MEIS1: variants seen among roughly 807,000 people sequenced by gnomAD.
MEIS1 encodes the protein homeobox protein Meis1.
A neutral mutation model predicts 50.8 loss-of-function variants in MEIS1; 5 were observed. The ratio of observed to expected loss-of-function variants is 0.10; its 90% CI spans 0.05 to 0.21. MEIS1 has a LOEUF of 0.21. Ranked by LOEUF, MEIS1 falls within the 10% of genes least tolerant of loss-of-function variation. The probability of loss-of-function intolerance (pLI) is 1.00; values close to 1 mark genes in which losing one functional copy is unlikely to be tolerated. For synonymous variants in MEIS1, 176 were observed against 179.3 expected (o/e 0.98, Z 0.15); for missense variants, 318 against 517.3 (o/e 0.61, Z 3.74).
intron 7 of MEIS1, among the ~76,000 whole-genome samples, chr2:66,472,279 T>C (rs1053812351): frequency 2.6e-5 from 4 of 152,178 alleles, no homozygotes; most frequent in Non-Finnish European, 4.4e-5. Context: ...GTGAGGAAGT[T>C]AATTTTAGGG....
intron 12 of MEIS1, 129 bp from the exon 13 acceptor site, chr2:66,571,117 A>G: frequency 1.1e-6 from 1 of 897,854 alleles, no homozygotes; most frequent in Non-Finnish European, 1.6e-6. Context: ...AATCAAAAGA[A>G]TGCTTTACAA....
chr2:66,567,436 C>T lies in MEIS1; in HGVS notation c.966-17C>T, dbSNP rs1274634106. On this transcript the variant is annotated splice_polypyrimidine_tract_variant and intron_variant, in intron 9 of 12. Transcript: ENST00000272369. The stretch of plus-strand genomic sequence containing the variant: ...ATTTTTAAGGAATAACGATTTGTTT[C>T]ACTTTCTTGGTTACAGGTTTATTAA... The T allele has an allele frequency of 6.2e-7, 1 of 1,612,474 alleles. No homozygotes were observed. The highest frequency in any genetic ancestry group is 8.5e-7 in the Non-Finnish European group (1 of 1,179,070).
At chr2:66,558,086 C>T (rs542052333) in intron 9 of MEIS1, among the ~76,000 whole-genome samples, 1 of 151,990 alleles carries the variant, frequency 6.6e-6, no homozygotes, top group South Asian at 2.1e-4. Context: ...TCAAGACCAG[C>T]CTGATGAACA....
At chr2:66,438,045 G>C (rs1671845398) in intron 2 of MEIS1, 82 bp downstream of exon 2, 5 of 1,228,414 alleles carry the variant, frequency 4.1e-6, no homozygotes, top group Non-Finnish European at 5.6e-6. Flanking sequence ...AGGAAAGTCA[G>C]AGTTCTCTGG....
intron 9 of MEIS1, among the ~76,000 whole-genome samples, chr2:66,549,682 G>T (rs1464228357): frequency 6.6e-6 from 1 of 152,140 alleles, no homozygotes; most frequent in Non-Finnish European, 1.5e-5. Flanking sequence ...TCCCTGGGAA[G>T]TGTTCCTGTT....
At position 66,439,233 on chromosome 2, in the gene MEIS1, C is replaced by T. The variant is rs940286031; in HGVS notation, c.240-610C>T. Reference sequence around the variant, plus strand: ...TTCTTTGGGGGGCGGTGGGGGCTATCAGCGAAGGGAGGGGAATGTGCGTGG... The same window carrying T: ...TTCTTTGGGGGGCGGTGGGGGCTATTAGCGAAGGGAGGGGAATGTGCGTGG... On this transcript the variant is annotated intron_variant, in intron 2 of 12. Coordinates refer to ENST00000272369, the MANE Select transcript of MEIS1 (RefSeq NM_002398.3). 14 of 1,013,972 alleles carry T rather than the reference C, an allele frequency of 1.4e-5. No individual in the cohort carries two copies. The African/African-American group carries it at 2.2e-4, about 16-fold the overall frequency. 62.8% of individuals were successfully genotyped at this position (1,013,972 alleles called of 1,614,324 possible).
At chr2:66,450,043 A>G (rs1672243436) in intron 6 of MEIS1, among the ~76,000 whole-genome samples, 1 of 152,178 alleles carries the variant, frequency 6.6e-6, no homozygotes, top group Admixed American at 6.5e-5. Context: ...AATACAATTG[A>G]AGTTTATAAT....
intron 6 of MEIS1, among the ~76,000 whole-genome samples, chr2:66,453,488 A>G (rs1014515494): frequency 3.9e-5 from 6 of 151,934 alleles, no homozygotes; most frequent in African/African-American, 1.4e-4. Context: ...CAGAAACTCA[A>G]ATTAAATCTC....
At chr2:66,569,455 C>CT (rs1456436060) in intron 12 of MEIS1, 1 of 189,982 alleles carries the variant, frequency 5.3e-6, no homozygotes, top group African/African-American at 2.4e-5. Flanking sequence ...TGTAAGCAGT[C>CT]TGCAGCAGTG....
At chr2:66,499,078 A>G (rs931808438) in intron 7 of MEIS1, among the ~76,000 whole-genome samples, 3 of 152,214 alleles carry the variant, frequency 2.0e-5, no homozygotes, top group Non-Finnish European at 2.9e-5. Context: ...ACAAATTCAC[A>G]AAAGAACTGT....
chr2:66,514,653 C>T (rs1673919743), intron 8 of MEIS1, among the ~76,000 whole-genome samples: 1 of 152,168 alleles, frequency 6.6e-6, no homozygotes. Flanking sequence ...TCTGCTCATA[C>T]AGAAATATTG....
At chr2:66,505,477 GA>G (rs923813925) in intron 7 of MEIS1, among the ~76,000 whole-genome samples, 1 of 151,900 alleles carries the variant, frequency 6.6e-6, no homozygotes, top group African/African-American at 2.4e-5. Context: ...ACGATTACTT[GA>G]AAAAAAATCA....
intron 9 of MEIS1, among the ~76,000 whole-genome samples, chr2:66,552,361 C>T (rs1674942644): frequency 6.6e-6 from 1 of 152,052 alleles, no homozygotes; most frequent in Non-Finnish European, 1.5e-5. Flanking sequence ...AATGATTATC[C>T]CTTTATGCTC....
chr2:66,490,492 T>A (rs900352309), intron 7 of MEIS1, among the ~76,000 whole-genome samples: 1 of 152,198 alleles, frequency 6.6e-6, no homozygotes, highest in Non-Finnish European at 1.5e-5. Context: ...AAAGTTCTAG[T>A]TAACTTGACT....
chr2:66,528,857 A>G (rs12465087), intron 8 of MEIS1, among the ~76,000 whole-genome samples: 1 of 151,846 alleles, frequency 6.6e-6, no homozygotes. Context: ...CCACTCAAGG[A>G]CCCCTTGAGG....
At chr2:66,481,509 G>A (rs184205921) in intron 7 of MEIS1, among the ~76,000 whole-genome samples, 35 of 152,322 alleles carry the variant, frequency 2.3e-4, no homozygotes, top group African/African-American at 7.9e-4. Context: ...CAGCAATGAC[G>A]CTGCCATTCT....
At chr2:66,469,471 A>G (rs932236163) in intron 7 of MEIS1, among the ~76,000 whole-genome samples, 1 of 152,188 alleles carries the variant, frequency 6.6e-6, no homozygotes, top group African/African-American at 2.4e-5. Context: ...GAGGTGGGGA[A>G]GGGCCACATT....
Position 66,435,796 on chromosome 2 carries a change from TCA to T in MEIS1, c.-57_-56del. The T allele has an allele frequency of 8.3e-7, 1 of 1,210,864 alleles. No homozygotes were observed. Among genetic ancestry groups the T allele is most frequent in the Non-Finnish European group, 1.2e-6 (1 of 868,120 alleles). The allele number at this position is 1,210,864 out of a possible 1,614,324, so 75.0% of individuals were successfully genotyped here. Reference sequence around the variant, plus strand: ...GGGGAGTTTGAATATTTGTTTCTTTTCACACTGGCCTTAAAGAGGATATATTA... The same window carrying T: ...GGGGAGTTTGAATATTTGTTTCTTTTCACTGGCCTTAAAGAGGATATATTA... On this transcript the variant is annotated 5_prime_UTR_variant, in exon 1 of 13. Coordinates refer to ENST00000272369, the MANE Select transcript of MEIS1 (RefSeq NM_002398.3).
At chr2:66,493,159 C>T (rs553171819) in intron 7 of MEIS1, among the ~76,000 whole-genome samples, 4 of 152,286 alleles carry the variant, frequency 2.6e-5, no homozygotes, top group African/African-American at 7.2e-5. Flanking sequence ...AGCTGCTATA[C>T]GGTAAAGTTT....
Sources: allele counts gnomAD v4.1 joint callset (sites outside exome capture counted in the v4.1 genomes callset), GRCh38; gene constraint gnomAD v4.1.1; transcripts MANE v1.5; gene names NCBI Gene and HGNC (gene_info 2026-07-23, HGNC 2026-07-21).